The following SPCS2 variants were observed in gnomAD, a reference collection of about 807,000 sequenced individuals.
SPCS2 encodes the protein signal peptidase complex subunit 2.
In SPCS2, 3 loss-of-function variants were observed where a neutral mutation model predicts 22.3. The ratio of observed to expected loss-of-function variants is 0.13; its 90% confidence interval spans 0.06 to 0.35. The LOEUF is 0.35. SPCS2 is among the 10% of genes least tolerant of loss of function. SPCS2 has a pLI of 1.00. For missense variants in SPCS2, 169 were observed against 280.9 expected, an observed-to-expected ratio of 0.60 and a Z score of 2.85; for synonymous variants, 67 against 97.2, an observed-to-expected ratio of 0.69 and a Z score of 1.83.
At chr11:74,972,042 C>G (rs1401224085) in intron 4 of SPCS2, among the ~76,000 whole-genome samples, 2 of 152,066 alleles carry the variant, frequency 1.3e-5, no homozygotes, top group Non-Finnish European at 2.9e-5. Flanking sequence ...CTTAACATGC[C>G]TTAGTCTAAA....
At chr11:74,971,599 C>T (rs1045874075) in intron 4 of SPCS2, among the ~76,000 whole-genome samples, 1 of 152,120 alleles carries the variant, frequency 6.6e-6, no homozygotes, top group African/African-American at 2.4e-5. Flanking sequence ...CCCACCTCAC[C>T]GACTGATTTA....
intron 4 of SPCS2, among the ~76,000 whole-genome samples, chr11:74,970,303 AC>A (rs1469655535): frequency 3.9e-5 from 6 of 152,174 alleles, no homozygotes; most frequent in Non-Finnish European, 7.3e-5. Flanking sequence ...AAGATGAAAT[AC>A]CAATTATAAT....
In SPCS2 at chr11:74,958,129, C is replaced by G. The variant is rs533578219; in HGVS notation, c.115-6905C>G. ...GGCTGGGTTGATGTAGAAGCAGCCC[C>G]GTCACTGCTAAATGCAGTTTGTGGT... is the stretch of plus-strand genomic sequence containing the variant. On this transcript the variant is annotated intron_variant, in intron 1 of 4. Transcript: ENST00000263672. 1.3e-4 allele frequency among the ~76,000 whole-genome samples: 20 copies of G among 152,226 alleles called. No individual in the cohort carries two copies. The South Asian group carries it at 3.9e-3, about 30-fold the overall frequency.
chr11:74,962,990 G>A (rs1948522768), intron 1 of SPCS2, among the ~76,000 whole-genome samples: 1 of 152,212 alleles, frequency 6.6e-6, no homozygotes, highest in African/African-American at 2.4e-5. Context: ...GCAGTGAAGT[G>A]TGGCTAGGTG....
chr11:74,955,851 A>AATATACATATATATATATATATATATAT (rs1555115679), intron 1 of SPCS2, among the ~76,000 whole-genome samples: 1 of 55,594 alleles, frequency 1.8e-5, no homozygotes, highest in African/African-American at 4.6e-5. Flanking sequence ...TACTAATTAA[A>AATATACATATATATATATATATATATAT]ATATATATAT....
chr11:74,969,090 T>C (rs1482633813), intron 3 of SPCS2, among the ~76,000 whole-genome samples: 2 of 152,230 alleles, frequency 1.3e-5, no homozygotes, highest in Non-Finnish European at 2.9e-5. Context: ...AATAAGTCTA[T>C]ATGCATATAG....
intron 1 of SPCS2, chr11:74,963,563 GTTTGTTTA>G (rs752546997): frequency 1.6e-3 from 673 of 424,672 alleles, no homozygotes; most frequent in African/African-American, 3.9e-3. Flanking sequence ...TTGTTTGTTT[GTTTGTTTA>G]TTTATTTATT....
intron 1 of SPCS2, among the ~76,000 whole-genome samples, chr11:74,958,651 C>A (rs1948493045): frequency 6.6e-6 from 1 of 152,114 alleles, no homozygotes; most frequent in African/African-American, 2.4e-5. Flanking sequence ...CTCCTGTATT[C>A]TTCTTCTTGG....
chr11:74,951,913 TA>T (rs1004421221), intron 1 of SPCS2, among the ~76,000 whole-genome samples: 1 of 150,364 alleles, frequency 6.7e-6, no homozygotes. Context: ...ACATGCCAGG[TA>T]AAAAAGTCTC....
chr11:74,971,217 T>C (rs1368018247), intron 4 of SPCS2, among the ~76,000 whole-genome samples: 1 of 152,266 alleles, frequency 6.6e-6, no homozygotes, highest in Non-Finnish European at 1.5e-5. Context: ...CATTCCTTTC[T>C]ATGGTCAAGT....
chr11:74,967,043 A>G (rs111495285), intron 3 of SPCS2, among the ~76,000 whole-genome samples: 2 of 152,320 alleles, frequency 1.3e-5, no homozygotes, highest in African/African-American at 4.8e-5. Context: ...GTGCCCAGCC[A>G]ACCTGAAATA....
rs1287977816 is a variant in SPCS2 at position 74,969,599 on chromosome 11, A to G, written c.394A>G (p.Thr132Ala). The G allele has an allele frequency of 1.9e-6, 3 of 1,613,466 alleles. No homozygotes were observed. The highest frequency in any genetic ancestry group is 8.5e-7 in the Non-Finnish European group (1 of 1,179,474). ...GATGATGGGGATTCTGACCATTTATACCTCATATAAGGAGAAGAGCATCTT... is the reference window on the plus strand; with the variant it reads ...GATGATGGGGATTCTGACCATTTATGCCTCATATAAGGAGAAGAGCATCTT... ...FVMMGILTIY[T>A]SYKEKSIFLV... Residue 132 changes from threonine to alanine, a missense_variant, in exon 4 of 5, where the codon ACC becomes GCC. This residue lies in a region of SPCS2 where 118 missense variants were observed against 243.1 expected (regional missense o/e 0.49). Transcript: ENST00000263672.
intron 4 of SPCS2, among the ~76,000 whole-genome samples, chr11:74,973,732 G>C (rs992563659): frequency 6.6e-6 from 1 of 151,942 alleles, no homozygotes; most frequent in African/African-American, 2.4e-5. Context: ...CCTCAAACCT[G>C]CTAGGCCTCC....
chr11:74,969,802 A>G (rs1948570129), intron 4 of SPCS2, 103 bp downstream of exon 4: 1 of 1,325,748 alleles, frequency 7.5e-7, no homozygotes, highest in Non-Finnish European at 1.1e-6. Context: ...TATGTGGATC[A>G]TAGGGCTAGT....
intron 1 of SPCS2, among the ~76,000 whole-genome samples, chr11:74,959,280 T>C (rs1032349209): frequency 3.9e-5 from 6 of 152,256 alleles, no homozygotes; most frequent in African/African-American, 1.2e-4. Flanking sequence ...AGGTCTTTTA[T>C]ATCACTGCAT....
chr11:74,963,935 C>T (rs1687615168), intron 1 of SPCS2, among the ~76,000 whole-genome samples: 1 of 152,196 alleles, frequency 6.6e-6, no homozygotes, highest in African/African-American at 2.4e-5. Context: ...TTGTAGCACC[C>T]TGTTCCTCTT....
chr11:74,949,523 T>A, intron 1 of SPCS2, 124 bp downstream of exon 1: 1 of 839,648 alleles, frequency 1.2e-6, no homozygotes, highest in Non-Finnish European at 2.0e-6. Context: ...GTGTGACCAC[T>A]ATCACAACCC....
At chr11:74,963,652 C>G (rs1295068662) in intron 1 of SPCS2, 1 of 430,176 alleles carries the variant, frequency 2.3e-6, no homozygotes, top group Non-Finnish European at 4.7e-6. Flanking sequence ...TCAAGCTGTT[C>G]TGCCACCTCA....
chr11:74,953,287 G>A (rs374343572), intron 1 of SPCS2, among the ~76,000 whole-genome samples: 206 of 151,756 alleles, frequency 1.4e-3, no homozygotes, highest in African/African-American at 4.9e-3. Context: ...CCGCCTCCCA[G>A]GTTCAAACAA....
Sources: allele counts gnomAD v4.1 joint callset (sites outside exome capture counted in the v4.1 genomes callset), GRCh38; gene constraint gnomAD v4.1.1; regional missense constraint gnomAD v4.1.1; transcripts MANE v1.5; gene names NCBI Gene and HGNC (gene_info 2026-07-23, HGNC 2026-07-21).